The following ZNF264 variants were observed in gnomAD, a reference collection of about 807,000 sequenced individuals.
The protein encoded by ZNF264 is zinc finger protein 264.
A neutral mutation model predicts 11.2 loss-of-function variants in ZNF264; 11 were observed. The ratio of observed to expected loss-of-function variants is 0.98; its 90% CI spans 0.62 to 1.63. ZNF264 has a LOEUF of 1.63. ZNF264 is among the 40% of genes most tolerant of loss of function. The pLI, the probability that ZNF264 is intolerant of heterozygous loss-of-function variation, is 0.00. For synonymous variants in ZNF264, 309 were observed against 279.8 expected (o/e 1.10, Z -1.04); for missense variants, 752 against 768.1 (o/e 0.98, Z 0.25).
Position 57,212,501 on chromosome 19 carries a change from G to A in ZNF264, c.1404G>A (p.Lys468=), listed in dbSNP as rs2087347328. The part of the protein sequence containing the change: ...KECGKAFSNR[K]DLIRHFSIHT... ...GTGGGAAAGCCTTTAGCAATCGGAA[G>A]GACCTCATTCGCCACTTCAGCATCC... is the stretch of plus-strand genomic sequence containing the variant. Residue 468 remains lysine (K), a synonymous_variant, in exon 4 of 4, where the codon AAG becomes AAA. Transcript: ENST00000263095. 2 of 1,610,914 alleles carry A rather than the reference G, an allele frequency of 1.2e-6. No homozygotes were observed.
Position 57,212,112 on chromosome 19 carries a change from G to T in ZNF264, c.1015G>T (p.Gly339Cys). ...TCTCCGGCACTATGTTGTCCACAGT[G>T]GTGAGAATCCCTATGAGTGCTTGGA... ...GFLRHYVVHSGENPYECLECG... is the reference protein window; with the variant it reads ...GFLRHYVVHSCENPYECLECG... Residue 339 changes from glycine to cysteine, a missense_variant, in exon 4 of 4, where the codon GGT becomes TGT. By Grantham distance (159) the Gly-to-Cys change is radical (BLOSUM62 -3). Coordinates refer to ENST00000263095, the MANE Select transcript of ZNF264 (RefSeq NM_003417.5). 1.2e-6 allele frequency: 2 copies of T among 1,614,202 alleles called. No homozygotes were observed. Among genetic ancestry groups the T allele is most frequent in the Non-Finnish European group, 1.7e-6 (2 of 1,180,046 alleles).
intron 3 of ZNF264, among the ~76,000 whole-genome samples, chr19:57,207,261 T>A (rs1483642730): frequency 1.3e-5 from 2 of 152,156 alleles, no homozygotes; most frequent in Admixed American, 1.3e-4. Context: ...ACAGTTTTTG[T>A]CTCCAGGCAC....
intron 3 of ZNF264, 116 bp from the exon 4 acceptor site, chr19:57,211,238 A>G (rs1217266812): frequency 7.4e-6 from 8 of 1,085,602 alleles, no homozygotes; most frequent in Non-Finnish European, 1.0e-5. Context: ...TGAGATACAG[A>G]AAATAGCAAC....
intron 2 of ZNF264, among the ~76,000 whole-genome samples, chr19:57,195,287 C>T (rs190516356): frequency 1.9e-4 from 29 of 151,926 alleles, no homozygotes; most frequent in Admixed American, 2.0e-4. Flanking sequence ...GTAAATCTTA[C>T]GTCACATGAT....
rs2087425295 is a variant in ZNF264, at chr19:57,222,520, CTCTATATA to C, written c.*9541_*9548del. The C allele has an allele frequency of 2.8e-5, 2 of 72,250 alleles. No homozygotes were observed. Among genetic ancestry groups the C allele is most frequent in the African/African-American group, 1.6e-4 (2 of 12,704 alleles). The allele number at this position is 72,250 out of a possible 1,614,324, so 4.5% of individuals were successfully genotyped here. On this transcript the variant is annotated 3_prime_UTR_variant, in exon 4 of 4. Coordinates refer to ENST00000263095, the MANE Select transcript of ZNF264 (RefSeq NM_003417.5). ...CTGCTCGCGTTCTCTCTCTCTCTCT[CTCTATATA>C]TATATATGTATATGTGTGTGTACAT...
At chr19:57,197,370 C>T (rs1376660233) in intron 2 of ZNF264, among the ~76,000 whole-genome samples, 1 of 151,888 alleles carries the variant, frequency 6.6e-6, no homozygotes, top group Non-Finnish European at 1.5e-5. Context: ...CATAGTGTAA[C>T]AGGCCAAGAG....
In ZNF264 at chr19:57,211,859, T is replaced by C. The variant is rs1412278688; in HGVS notation, c.762T>C (p.Thr254=). The stretch of plus-strand genomic sequence containing the variant: ...TCCTGCAACATCACATGATCCACAC[T>C]GGGGAGAGGCCCTATGAGTGCATGG... ...THLLQHHMIH[T]GERPYECMEC... The change falls in exon 4 of 4, where the codon ACT becomes ACC. Residue 254 remains threonine, a synonymous_variant. Coordinates refer to ENST00000263095, the MANE Select transcript of ZNF264 (RefSeq NM_003417.5). The C allele has an allele frequency of 6.2e-7, 1 of 1,614,076 alleles. No individual in the cohort carries two copies. Among genetic ancestry groups the C allele is most frequent in the Non-Finnish European group, 8.5e-7 (1 of 1,180,034 alleles).
Position 57,191,594 on chromosome 19 carries a change from A to T in ZNF264, c.-320A>T, listed in dbSNP as rs935800692. 3 of 323,242 alleles carry T rather than the reference A, an allele frequency of 9.3e-6. No individual in the cohort carries two copies. The highest frequency in any genetic ancestry group is 1.7e-5 in the Non-Finnish European group (3 of 178,298). The allele number at this position is 323,242 out of a possible 1,614,324, so 20.0% of individuals were successfully genotyped here. A position where few individuals can be genotyped will look rare whatever the true frequency, so the allele number is the denominator to read the frequency against. ...GTCCCTAGTCAGGACCGAGCAGGGG[A>T]GTAGGATAGGAATCCCCGCCGCACC... On this transcript the variant is annotated 5_prime_UTR_variant, in exon 1 of 4. Transcript: ENST00000263095.
chr19:57,202,475 T>C (rs1456659310), intron 2 of ZNF264, among the ~76,000 whole-genome samples: 1 of 151,848 alleles, frequency 6.6e-6, no homozygotes, highest in Middle Eastern at 3.2e-3. Context: ...ATGCTGGGTA[T>C]GTTAGGCCTC....
Position 57,212,958 on chromosome 19 carries a change from A to G in ZNF264, c.1861A>G (p.Thr621Ala), listed in dbSNP as rs987715365. ...SASDQPYQRE[T>A]PQVSSL ...ATCTGATCAACCATACCAAAGAGAA[A>G]CCCCACAAGTGTCTTCACTGTGAGA... The change falls in exon 4 of 4, where the codon ACC (threonine) becomes GCC (alanine). Residue 621 changes from threonine (T) to alanine (A), a missense_variant. Physicochemically the swap from Thr to Ala is moderately conservative, Grantham distance 58. Transcript: ENST00000263095. 2.5e-6 allele frequency: 4 copies of G among 1,610,450 alleles called. No individual in the cohort carries two copies. The highest frequency in any genetic ancestry group is 1.7e-4 in the Middle Eastern group (1 of 6,042).
chr19:57,196,631 G>A (rs888068797), intron 2 of ZNF264, among the ~76,000 whole-genome samples: 1 of 151,906 alleles, frequency 6.6e-6, no homozygotes, highest in Admixed American at 6.6e-5. Context: ...TGACAGGGGT[G>A]GCTGGGGAAA....
In ZNF264 at chr19:57,211,934, G is replaced by C. The variant is rs1806165057; in HGVS notation, c.837G>C (p.Arg279=). ...AGTCATACCTTACCCAGCACCAGCG[G>C]ATTCACAGTGGAGAGAAGCCTTACA... ...NRKSYLTQHQ[R]IHSGEKPYKC... is the part of the protein sequence containing the mutation. The change falls in exon 4 of 4, where the codon CGG becomes CGC. Residue 279 remains arginine (R), a synonymous_variant. Coordinates refer to ENST00000263095, the MANE Select transcript of ZNF264 (RefSeq NM_003417.5). 1 of 1,614,044 alleles carries C rather than the reference G, an allele frequency of 6.2e-7. No homozygotes were observed. The highest frequency in any genetic ancestry group is 1.3e-5 in the African/African-American group (1 of 74,992).
rs1356031344 is a variant in ZNF264, at chr19:57,218,295, C to G, written c.*5314C>G. ...GACTTCAGAGATGTATCTCTCTGTT[C>G]TGTACATTATTGTTTAATATAAGAA... On this transcript the variant is annotated 3_prime_UTR_variant, in exon 4 of 4. Transcript: ENST00000263095. 1 of 152,096 alleles carries G rather than the reference C, an allele frequency of 6.6e-6. No homozygotes were observed. The highest frequency in any genetic ancestry group is 1.5e-5 in the Non-Finnish European group (1 of 68,016). 9.4% of individuals were successfully genotyped at this position (152,096 alleles called of 1,614,324 possible).
chr19:57,220,252 T>C lies in ZNF264; in HGVS notation c.*7271T>C, dbSNP rs575598975. On this transcript the variant is annotated 3_prime_UTR_variant, in exon 4 of 4. Transcript: ENST00000263095. Reference sequence around the variant, plus strand: ...ATTCAACAATGCTATAATCTGTTACTCTCATTCGACAATACATCTTGACTG... The same window carrying C: ...ATTCAACAATGCTATAATCTGTTACCCTCATTCGACAATACATCTTGACTG... 6.6e-6 allele frequency: 1 copy of C among 152,358 alleles called. No homozygotes were observed. The highest frequency in any genetic ancestry group is 2.4e-5 in the African/African-American group (1 of 41,586). 9.4% of individuals were successfully genotyped at this position (152,358 alleles called of 1,614,324 possible). A position where few individuals can be genotyped will look rare whatever the true frequency, so the allele number is the denominator to read the frequency against.
rs1285743479 is a variant in ZNF264 at position 57,205,495 on chromosome 19, A to C, written c.256+3A>C. 1.9e-6 allele frequency: 3 copies of C among 1,605,552 alleles called. No homozygotes were observed. In the East Asian group the frequency reaches 6.7e-5, roughly 36 times the overall value. ...CCTCTCCCAAGACACCTGTCCAGGT[A>C]GGAGCCAAGATCTGGGCAGGTTGGA... On this transcript the variant is annotated splice_donor_region_variant and intron_variant, in intron 3 of 3. Transcript: ENST00000263095.
At chr19:57,194,230 A>C in intron 2 of ZNF264, 1 of 553,022 alleles carries the variant, frequency 1.8e-6, no homozygotes. Flanking sequence ...GGTAAAAGGA[A>C]ATGGGGTGTT....
rs2087344271 is a variant in ZNF264 at position 57,212,287 on chromosome 19, A to G, written c.1190A>G (p.Lys397Arg). ...IHHYVIHTGE[K>R]PFECLECGKA... is the part of the protein sequence containing the mutation. ...CACTATGTCATCCACACTGGAGAGA[A>G]GCCCTTTGAGTGCCTCGAGTGTGGG... The change falls in exon 4 of 4, where the codon AAG becomes AGG. Residue 397 changes from lysine (K) to arginine (R), a missense_variant. Transcript: ENST00000263095. 6.2e-7 allele frequency: 1 copy of G among 1,613,982 alleles called. No homozygotes were observed. Among genetic ancestry groups the G allele is most frequent in the Non-Finnish European group, 8.5e-7 (1 of 1,179,986 alleles).
chr19:57,198,825 A>G (rs2087231083), intron 2 of ZNF264, among the ~76,000 whole-genome samples: 1 of 151,928 alleles, frequency 6.6e-6, no homozygotes, highest in Non-Finnish European at 1.5e-5. Flanking sequence ...AAAGATTAAC[A>G]GCATAAATTG....
At chr19:57,205,698 T>G (rs555045785) in intron 3 of ZNF264, among the ~76,000 whole-genome samples, 1 of 152,342 alleles carries the variant, frequency 6.6e-6, no homozygotes, top group South Asian at 2.1e-4. Flanking sequence ...CCCATCACAG[T>G]GTCACCATGC....
Sources: gnomAD v4.1 joint callset for allele counts (sites outside exome capture counted in the v4.1 genomes callset) on GRCh38, gnomAD v4.1.1 for gene constraint, MANE v1.5 for transcripts, NCBI Gene and HGNC (gene_info 2026-07-23, HGNC 2026-07-21) for gene names.